The following E2F3 variants were observed in gnomAD, a reference collection of about 807,000 sequenced individuals.
E2F3 encodes the protein E2F transcription factor 3, also known as transcription factor E2F3.
A neutral mutation model predicts 44.4 loss-of-function variants in E2F3; 11 were observed. The ratio of observed to expected loss-of-function variants is 0.25; its 90% CI spans 0.16 to 0.41. E2F3 has a LOEUF of 0.41. Among genes scored for constraint, E2F3 ranks in the 10% least tolerant of loss-of-function variants. The probability of loss-of-function intolerance (pLI) is 1.00; values close to 1 mark genes in which losing one functional copy is unlikely to be tolerated. For missense variants in E2F3, 487 were observed against 583.6 expected (o/e 0.83, Z 1.70); for synonymous variants, 249 against 253.0 (o/e 0.98, Z 0.15).
At chr6:20,414,431 G>T (rs1011669297) in intron 1 of E2F3, among the ~76,000 whole-genome samples, 1 of 151,802 alleles carries the variant, frequency 6.6e-6, no homozygotes, top group Non-Finnish European at 1.5e-5. Flanking sequence ...AACCAAGATA[G>T]CTCTTTTTGC....
At chr6:20,473,228 A>G (rs1432019362) in intron 1 of E2F3, among the ~76,000 whole-genome samples, 1 of 152,246 alleles carries the variant, frequency 6.6e-6, no homozygotes, top group African/African-American at 2.4e-5. Flanking sequence ...AAAGTGTGTC[A>G]TTAAGGCAAT....
At chr6:20,437,833 G>T (rs989620214) in intron 1 of E2F3, 10 of 152,184 alleles carry the variant, frequency 6.6e-5, no homozygotes, top group Non-Finnish European at 1.3e-4. Flanking sequence ...GAGTCCAAGA[G>T]AAATGCCCTG....
At chr6:20,425,186 G>A (rs1051637655) in intron 1 of E2F3, among the ~76,000 whole-genome samples, 1 of 152,126 alleles carries the variant, frequency 6.6e-6, no homozygotes, top group African/African-American at 2.4e-5. Context: ...TGGGACCACA[G>A]GCTAAAGTTT....
chr6:20,482,126 G>T (rs1561884840), intron 3 of E2F3, among the ~76,000 whole-genome samples: 1 of 152,160 alleles, frequency 6.6e-6, no homozygotes, highest in Non-Finnish European at 1.5e-5. Context: ...GATGGAAGAT[G>T]AATACATACC....
At chr6:20,417,674 A>C (rs1001798177) in intron 1 of E2F3, among the ~76,000 whole-genome samples, 2 of 151,996 alleles carry the variant, frequency 1.3e-5, no homozygotes, top group Non-Finnish European at 2.9e-5. Flanking sequence ...CTTATAAGGC[A>C]TATAACCTGT....
intron 1 of E2F3, among the ~76,000 whole-genome samples, chr6:20,406,155 A>G (rs1759488095): frequency 6.6e-6 from 1 of 152,188 alleles, no homozygotes. Context: ...ACTTAACCAG[A>G]AGCAACTTCT....
chr6:20,481,173 C>A (rs759628539), intron 2 of E2F3, 33 bp from the exon 3 acceptor site: 2 of 1,602,586 alleles, frequency 1.2e-6, no homozygotes, highest in African/African-American at 2.7e-5. Context: ...TTCCCCCTAT[C>A]CCCCACCCGC....
intron 1 of E2F3, among the ~76,000 whole-genome samples, chr6:20,413,354 T>G (rs191642813): frequency 5.9e-5 from 9 of 152,290 alleles, no homozygotes; most frequent in African/African-American, 2.2e-4. Flanking sequence ...GAAAAGTTAC[T>G]GAAACTAGAT....
At chr6:20,430,849 AC>A (rs2127593049) in intron 1 of E2F3, among the ~76,000 whole-genome samples, 1 of 152,184 alleles carries the variant, frequency 6.6e-6, no homozygotes, top group Non-Finnish European at 1.5e-5. Flanking sequence ...ACATGGCAAA[AC>A]CCCATCTGTA....
chr6:20,463,426 CAT>C (rs1761593773), intron 1 of E2F3, among the ~76,000 whole-genome samples: 1 of 152,176 alleles, frequency 6.6e-6, no homozygotes, highest in Non-Finnish European at 1.5e-5. Context: ...TATTTACCCA[CAT>C]AGTTACCATT....
intron 1 of E2F3, among the ~76,000 whole-genome samples, chr6:20,454,233 T>C (rs78471309): frequency 0.014 from 2,063 of 152,356 alleles, 26 homozygotes; most frequent in South Asian, 0.035. Context: ...ATCCTTGAGC[T>C]ACAGAATCAG....
rs1554135916 is a variant in E2F3, at chr6:20,424,210, G to GGGGTGT, written c.393+21586_393+21587insGGTGTG. 1.4e-3 allele frequency among the ~76,000 whole-genome samples: 195 copies of GGGGTGT among 136,994 alleles called. 4 individuals are homozygous for GGGGTGT. The highest frequency in any genetic ancestry group is 0.011 in the Admixed American group (151 of 13,540). 89.9% of individuals were successfully genotyped at this position (136,994 alleles called of 152,430 possible). On this transcript the variant is annotated intron_variant, in intron 1 of 6. Coordinates refer to ENST00000346618, the MANE Select transcript of E2F3 (RefSeq NM_001949.5). ...TTTTGATCTTTAACCTCAGTGGAAGGGTGTGTGTGTGTGTGTGTGTGTGTG... is the reference window on the plus strand; with the variant it reads ...TTTTGATCTTTAACCTCAGTGGAAGGGGGTGTGTGTGTGTGTGTGTGTGTGTGTGTG...
intron 1 of E2F3, among the ~76,000 whole-genome samples, chr6:20,438,463 G>A (rs560521435): frequency 1.1e-4 from 16 of 152,014 alleles, no homozygotes; most frequent in South Asian, 6.2e-4. Flanking sequence ...CATTATCTCC[G>A]GTGCAGTTTG....
In E2F3 at chr6:20,467,863, A is replaced by ATGCCACTCCATACCATGGGTATGGAGC. The variant is rs1206254478; in HGVS notation, c.394-11962_394-11936dup. On this transcript the variant is annotated intron_variant, in intron 1 of 6. Coordinates refer to ENST00000346618, the MANE Select transcript of E2F3 (RefSeq NM_001949.5). ...TGGTAACTTTTACCTTTAGTGACTGATGCCACTCCATACCATGGGTATGGA... is the reference window on the plus strand; with the variant it reads ...TGGTAACTTTTACCTTTAGTGACTGATGCCACTCCATACCATGGGTATGGAGCTGCCACTCCATACCATGGGTATGGA... 5.9e-3 allele frequency among the ~76,000 whole-genome samples: 891 copies of ATGCCACTCCATACCATGGGTATGGAGC among 151,764 alleles called. 13 individuals carry two copies. Among genetic ancestry groups the ATGCCACTCCATACCATGGGTATGGAGC allele is most frequent in the African/African-American group, 0.019 (784 of 41,210 alleles).
At chr6:20,466,731 C>T (rs1391079303) in intron 1 of E2F3, among the ~76,000 whole-genome samples, 1 of 149,534 alleles carries the variant, frequency 6.7e-6, no homozygotes, top group Non-Finnish European at 1.5e-5. Flanking sequence ...CGCCCAGGCT[C>T]GAGTGCAGTG....
chr6:20,476,237 G>T (rs1762040168), intron 1 of E2F3, among the ~76,000 whole-genome samples: 1 of 152,140 alleles, frequency 6.6e-6, no homozygotes, highest in African/African-American at 2.4e-5. Flanking sequence ...CGGGCGTGGT[G>T]GCGGACGCCT....
chr6:20,476,997 T>C (rs947114457), intron 1 of E2F3, among the ~76,000 whole-genome samples: 1 of 152,298 alleles, frequency 6.6e-6, no homozygotes. Flanking sequence ...GTAAAATATA[T>C]ATATAAAGAA....
intron 1 of E2F3, among the ~76,000 whole-genome samples, chr6:20,420,834 T>A (rs143178171): frequency 6.6e-6 from 1 of 152,236 alleles, no homozygotes; most frequent in East Asian, 1.9e-4. Context: ...GTTTTCCACA[T>A]TGATTGACTC....
At chr6:20,410,102 A>G (rs1485077265) in intron 1 of E2F3, among the ~76,000 whole-genome samples, 1 of 152,198 alleles carries the variant, frequency 6.6e-6, no homozygotes, top group Non-Finnish European at 1.5e-5. Context: ...AATGATGGGC[A>G]GTGAACTCAG....
Sources: gnomAD v4.1 joint callset for allele counts (sites outside exome capture counted in the v4.1 genomes callset) on GRCh38, gnomAD v4.1.1 for gene constraint, MANE v1.5 for transcripts, NCBI Gene and HGNC (gene_info 2026-07-23, HGNC 2026-07-21) for gene names.